Variants in ATXN1 observed in about 807,000 individuals in gnomAD.
ATXN1 encodes the protein ataxin 1, also known as ataxin-1.
ATXN1 carries 8 observed loss-of-function variants against 56.4 expected under a neutral mutation model. The observed-to-expected ratio is 0.14, with a 90% CI of 0.08 to 0.26. ATXN1 has a LOEUF of 0.26. ATXN1 is among the 10% of genes least tolerant of loss of function. ATXN1 has a pLI of 1.00. For synonymous variants in ATXN1, 514 were observed against 494.6 expected (o/e 1.04, Z -0.52); for missense variants, 987 against 1,106.5 (o/e 0.89, Z 1.53).
chr6:16,378,537 C>CTTTATTTATTTATTTA (rs71535078), intron 6 of ATXN1, among the ~76,000 whole-genome samples: 1 of 146,694 alleles, frequency 6.8e-6, no homozygotes, highest in African/African-American at 2.5e-5. Context: ...CCTCTCTTGA[C>CTTTATTTATTTATTTA]TTTATTTATT....
chr6:16,489,057 C>A (rs533866978), intron 5 of ATXN1, among the ~76,000 whole-genome samples: 2 of 152,282 alleles, frequency 1.3e-5, no homozygotes, highest in South Asian at 2.1e-4. Flanking sequence ...CAGTCTCTAC[C>A]ACACATTCTG....
chr6:16,363,665 G>A (rs777249830), intron 6 of ATXN1, among the ~76,000 whole-genome samples: 9 of 152,168 alleles, frequency 5.9e-5, no homozygotes, highest in Non-Finnish European at 1.2e-4. Flanking sequence ...CACCCGTACC[G>A]TTTAAAACTA....
chr6:16,704,329 C>T lies in ATXN1; in HGVS notation c.-614-46428G>A, dbSNP rs911050464. ...TTAACTATCATTGCCTCTGAACCCC[C>T]TTTCCCCCCAAGATTGACTGTCGGT... On this transcript the variant is annotated intron_variant, in intron 2 of 7. Transcript: ENST00000436367. Among the ~76,000 whole-genome samples, 6 of 152,248 alleles carry T rather than the reference C, an allele frequency of 3.9e-5. No individual in the cohort carries two copies. In the South Asian group the frequency reaches 8.3e-4, roughly 21 times the overall value.
intron 3 of ATXN1, among the ~76,000 whole-genome samples, chr6:16,617,331 A>G (rs188416699): frequency 6.6e-6 from 1 of 152,182 alleles, no homozygotes; most frequent in South Asian, 2.1e-4. Context: ...CTATTAAATT[A>G]AATTTTATTT....
chr6:16,498,854 C>T (rs1161580649), intron 5 of ATXN1, among the ~76,000 whole-genome samples: 1 of 152,104 alleles, frequency 6.6e-6, no homozygotes, highest in East Asian at 1.9e-4. Context: ...GGTTGTTAGT[C>T]TTTTTCTCTT....
chr6:16,548,780 C>T (rs536653391), intron 4 of ATXN1, among the ~76,000 whole-genome samples: 2 of 151,876 alleles, frequency 1.3e-5, no homozygotes, highest in South Asian at 2.1e-4. Context: ...AAAAATTAGC[C>T]GGCGTGGTGG....
intron 5 of ATXN1, among the ~76,000 whole-genome samples, chr6:16,516,040 C>T (rs955013643): frequency 1.3e-5 from 2 of 152,180 alleles, no homozygotes; most frequent in Non-Finnish European, 1.5e-5. Context: ...TAAGACAAGG[C>T]CAATGTCTGG....
chr6:16,323,665 A>G (rs765483206), intron 7 of ATXN1, among the ~76,000 whole-genome samples: 26 of 151,954 alleles, frequency 1.7e-4, no homozygotes, highest in Non-Finnish European at 3.1e-4. Context: ...GCAAGGAACC[A>G]GTCGCATTTC....
chr6:16,515,740 T>A (rs1401668061), intron 5 of ATXN1, among the ~76,000 whole-genome samples: 1 of 152,116 alleles, frequency 6.6e-6, no homozygotes, highest in Non-Finnish European at 1.5e-5. Flanking sequence ...AAGCCCCTCT[T>A]CGTTGATCTG....
chr6:16,571,439 C>T (rs1207849876), intron 4 of ATXN1, among the ~76,000 whole-genome samples: 1 of 152,144 alleles, frequency 6.6e-6, no homozygotes, highest in Admixed American at 6.5e-5. Context: ...GAGTATTCTG[C>T]CATTTCCAAT....
intron 4 of ATXN1, among the ~76,000 whole-genome samples, chr6:16,555,456 T>C (rs1490202035): frequency 1.3e-5 from 2 of 152,204 alleles, no homozygotes; most frequent in Non-Finnish European, 2.9e-5. Context: ...TGGCTTCTCC[T>C]AAACACACCA....
At chr6:16,404,437 A>G (rs896211736) in intron 6 of ATXN1, among the ~76,000 whole-genome samples, 2 of 152,186 alleles carry the variant, frequency 1.3e-5, no homozygotes, top group Non-Finnish European at 2.9e-5. Context: ...CAGAGCCCCC[A>G]GCAATGAGAG....
chr6:16,498,618 G>A (rs538725843), intron 5 of ATXN1, among the ~76,000 whole-genome samples: 47 of 152,272 alleles, frequency 3.1e-4, no homozygotes, highest in African/African-American at 1.1e-3. Flanking sequence ...CAGGTAGGAA[G>A]ATTACCATTT....
intron 2 of ATXN1, among the ~76,000 whole-genome samples, chr6:16,733,230 C>A (rs1760030939): frequency 6.6e-6 from 1 of 152,102 alleles, no homozygotes; most frequent in East Asian, 1.9e-4. Context: ...ACATTGGTTC[C>A]CAAAAATGTT....
chr6:16,575,961 CA>C, intron 4 of ATXN1, among the ~76,000 whole-genome samples: 1 of 152,252 alleles, frequency 6.6e-6, no homozygotes, highest in East Asian at 1.9e-4. Context: ...GCAGGTACTC[CA>C]AGCCCCTGAA....
At chr6:16,592,175 C>T (rs752435095) in intron 3 of ATXN1, among the ~76,000 whole-genome samples, 38 of 152,258 alleles carry the variant, frequency 2.5e-4, no homozygotes, top group Non-Finnish European at 4.1e-4. Flanking sequence ...AGAGCTCTGC[C>T]CCCCTCCCAG....
chr6:16,519,748 C>G (rs992048940), intron 5 of ATXN1, among the ~76,000 whole-genome samples: 1 of 152,226 alleles, frequency 6.6e-6, no homozygotes, highest in Non-Finnish European at 1.5e-5. Context: ...ATTGCTAAGA[C>G]AGGCAGGTGC....
At chr6:16,432,654 G>GCA (rs1759309191) in intron 6 of ATXN1, 1 of 151,952 alleles carries the variant, frequency 6.6e-6, no homozygotes, top group Non-Finnish European at 1.5e-5. Context: ...GCACACATAA[G>GCA]CACCACCACA....
intron 6 of ATXN1, among the ~76,000 whole-genome samples, chr6:16,447,667 G>A (rs1759663177): frequency 6.6e-6 from 1 of 152,098 alleles, no homozygotes; most frequent in Non-Finnish European, 1.5e-5. Context: ...TAATAGCAAA[G>A]GCGCTGATAA....
Sources: allele counts gnomAD v4.1 joint callset (sites outside exome capture counted in the v4.1 genomes callset), GRCh38; gene constraint gnomAD v4.1.1; transcripts MANE v1.5; gene names NCBI Gene and HGNC (gene_info 2026-07-23, HGNC 2026-07-21).